Variants in KRIT1 observed in about 807,000 individuals in gnomAD.
KRIT1 encodes the protein krev interaction trapped protein 1.
Under a neutral mutation model 95.8 loss-of-function variants are expected in KRIT1, and 45 were observed. The observed-to-expected ratio is 0.47, with a 90% CI of 0.37 to 0.60. KRIT1 has a LOEUF of 0.60. Among genes scored for constraint, KRIT1 ranks in the 20% least tolerant of loss-of-function variants. KRIT1 has a pLI of 0.00. For missense variants in KRIT1, 788 were observed against 877.5 expected, an observed-to-expected ratio of 0.90 and a Z score of 1.29; for synonymous variants, 282 against 278.8, an observed-to-expected ratio of 1.01 and a Z score of -0.11.
At chr7:92,226,372 T>G (rs1214440831) in intron 11 of KRIT1, among the ~76,000 whole-genome samples, 154 bp downstream of exon 11, 3 of 152,152 alleles carry the variant, frequency 2.0e-5, no homozygotes, top group African/African-American at 7.2e-5. Flanking sequence ...TTCTACAAAG[T>G]ACAACTCATA....
intron 14 of KRIT1, among the ~76,000 whole-genome samples, chr7:92,218,813 C>G (rs984275503): frequency 1.3e-5 from 2 of 152,018 alleles, no homozygotes; most frequent in African/African-American, 4.8e-5. Flanking sequence ...TAATAATGTC[C>G]TTTAAAGCAC....
At chr7:92,240,723 A>G in intron 5 of KRIT1, 1 of 427,008 alleles carries the variant, frequency 2.3e-6, no homozygotes, top group Non-Finnish European at 4.2e-6. Flanking sequence ...GTAAAGAAAT[A>G]GGAATAGTAG....
rs998387590 is a variant in KRIT1, at chr7:92,200,599, G to A, written c.*137C>T. 2.9e-6 allele frequency: 2 copies of A among 689,420 alleles called. No homozygotes were observed. The highest frequency in any genetic ancestry group is 3.5e-5 in the African/African-American group (2 of 56,528). The allele number at this position is 689,420 out of a possible 1,614,324, so 42.7% of individuals were successfully genotyped here. A position where few individuals can be genotyped will look rare whatever the true frequency, so the allele number is the denominator to read the frequency against. ...AACTCTGACTTCAGGTGATCCGCCT[G>A]CCCCAGCCTCCCAAAGTGCTGGAAT... On this transcript the variant is annotated 3_prime_UTR_variant, in exon 19 of 19. Transcript: ENST00000394505.
chr7:92,202,069 C>T (rs1008933383), intron 17 of KRIT1, among the ~76,000 whole-genome samples: 2 of 152,130 alleles, frequency 1.3e-5, no homozygotes, highest in Admixed American at 1.3e-4. Flanking sequence ...CAGTATCTTT[C>T]TTTTGAATAT....
chr7:92,221,816 G>A, intron 14 of KRIT1, 86 bp downstream of exon 14: 1 of 1,119,568 alleles, frequency 8.9e-7, no homozygotes, highest in Non-Finnish European at 1.3e-6. Flanking sequence ...AAGGATGTAA[G>A]CACAATTTCT....
chr7:92,234,852 T>G lies in KRIT1; in HGVS notation c.801A>C (p.Lys267Asn). The G allele has an allele frequency of 6.2e-7, 1 of 1,610,370 alleles. No individual in the cohort carries two copies. The highest frequency in any genetic ancestry group is 8.5e-7 in the Non-Finnish European group (1 of 1,176,632). Reference sequence around the variant, plus strand: ...TCATGCTTCTCTGCCATTTTTCCTGTTTAGGTATTTGGATTTTTGAGTAGT... The same window carrying G: ...TCATGCTTCTCTGCCATTTTTCCTGGTTAGGTATTTGGATTTTTGAGTAGT... ...APDYSKIQIP[K>N]QEKWQRSMSS... Residue 267 changes from lysine to asparagine, a missense_variant, in exon 9 of 19, where the codon AAA becomes AAC. Physicochemically the swap from Lys to Asn is moderately conservative, Grantham distance 94. This residue lies in a region of KRIT1 where 493 missense variants were observed against 582.3 expected (regional missense o/e 0.85). Coordinates refer to ENST00000394505, the MANE Select transcript of KRIT1 (RefSeq NM_194454.3).
chr7:92,213,110 G>A, intron 17 of KRIT1, 85 bp downstream of exon 17: 1 of 895,958 alleles, frequency 1.1e-6, no homozygotes, highest in South Asian at 1.4e-5. Context: ...TTGTATATAT[G>A]CCATTTCTAA....
rs1798501874 is a variant in KRIT1, at chr7:92,236,687, A to G, written c.356-145T>C. 4.8e-6 allele frequency: 3 copies of G among 627,570 alleles called. No homozygotes were observed. In the South Asian group the frequency reaches 5.6e-5, roughly 12 times the overall value. 38.9% of individuals were successfully genotyped at this position (627,570 alleles called of 1,614,324 possible). On this transcript the variant is annotated intron_variant, in intron 6 of 18. Transcript: ENST00000394505. ...TTTGGAATTAGAAGGCCTGGATTCA[A>G]GTGATGACTAGCTCTGTGACCTTGT...
At chr7:92,231,461 T>C (rs1249797330) in intron 10 of KRIT1, among the ~76,000 whole-genome samples, 1 of 152,162 alleles carries the variant, frequency 6.6e-6, no homozygotes, top group Non-Finnish European at 1.5e-5. Context: ...AGTAAAAAAG[T>C]ATCCTGAGAC....
chr7:92,220,133 A>G lies in KRIT1; in HGVS notation c.1563+1769T>C, dbSNP rs913462114. Reference sequence around the variant, plus strand: ...TTAGGAGGACAGTTTTCAGTCTTTTACCATTGAATATGATATTAGCTGTGG... The same window carrying G: ...TTAGGAGGACAGTTTTCAGTCTTTTGCCATTGAATATGATATTAGCTGTGG... On this transcript the variant is annotated intron_variant, in intron 14 of 18. Transcript: ENST00000394505. Among the ~76,000 whole-genome samples, 3 of 152,142 alleles carry G rather than the reference A, an allele frequency of 2.0e-5. No individual in the cohort carries two copies. In the East Asian group the frequency reaches 5.8e-4, roughly 29 times the overall value.
chr7:92,213,076 A>G, intron 17 of KRIT1, 119 bp downstream of exon 17: 1 of 682,240 alleles, frequency 1.5e-6, no homozygotes, highest in Non-Finnish European at 2.6e-6. Flanking sequence ...CTCTTATGTA[A>G]TGAATGAGTT....
At chr7:92,235,775 G>T in intron 7 of KRIT1, 129 bp from the exon 8 acceptor site, 3 of 822,692 alleles carry the variant, frequency 3.6e-6, no homozygotes, top group Non-Finnish European at 5.8e-6. Flanking sequence ...TTAATTTAGT[G>T]TTAGTTAAGT....
intron 5 of KRIT1, among the ~76,000 whole-genome samples, chr7:92,240,643 T>G (rs749434802): frequency 2.0e-5 from 3 of 152,222 alleles, no homozygotes; most frequent in Non-Finnish European, 2.9e-5. Context: ...TTTACAGGAC[T>G]TTCCCTAATC....
intron 17 of KRIT1, among the ~76,000 whole-genome samples, chr7:92,209,567 A>G (rs1792320628): frequency 6.6e-6 from 1 of 152,186 alleles, no homozygotes; most frequent in South Asian, 2.1e-4. Context: ...ACCGATAATG[A>G]ACCAGCTGAA....
chr7:92,223,126 G>A (rs908205351), intron 12 of KRIT1, 148 bp from the exon 13 acceptor site: 7 of 675,878 alleles, frequency 1.0e-5, no homozygotes, highest in Non-Finnish European at 1.8e-5. Context: ...ATCTGTTGGT[G>A]ATATTTTAAA....
intron 3 of KRIT1, among the ~76,000 whole-genome samples, chr7:92,243,118 C>G (rs1800049271): frequency 6.6e-6 from 1 of 152,130 alleles, no homozygotes; most frequent in Admixed American, 6.5e-5. Flanking sequence ...CCACACCTGT[C>G]AATAATCCAA....
At chr7:92,213,102 G>T in intron 17 of KRIT1, 93 bp downstream of exon 17, 1 of 833,752 alleles carries the variant, frequency 1.2e-6, no homozygotes, top group Non-Finnish European at 2.0e-6. Flanking sequence ...GAACAGTCTT[G>T]TATATATGCC....
At chr7:92,206,019 A>C (rs1791402889) in intron 17 of KRIT1, 1 of 152,590 alleles carries the variant, frequency 6.6e-6, no homozygotes, top group South Asian at 2.1e-4. Context: ...AGCACCTGCA[A>C]ACTCCAGAGG....
At chr7:92,216,915 A>T (rs1271927116) in intron 14 of KRIT1, among the ~76,000 whole-genome samples, 1 of 152,184 alleles carries the variant, frequency 6.6e-6, no homozygotes, top group Non-Finnish European at 1.5e-5. Context: ...TTTCTAATGA[A>T]ATCAGGATGT....
Sources: allele counts gnomAD v4.1 joint callset (sites outside exome capture counted in the v4.1 genomes callset), GRCh38; gene constraint gnomAD v4.1.1; regional missense constraint gnomAD v4.1.1; transcripts MANE v1.5; gene names NCBI Gene and HGNC (gene_info 2026-07-23, HGNC 2026-07-21).